The following GJA3 variants were observed in gnomAD, a reference collection of about 807,000 sequenced individuals.
GJA3 encodes gap junction protein alpha 3, also known as gap junction alpha-3 protein.
For missense variants in GJA3, 571 were observed against 620.3 expected (o/e 0.92, Z 0.84); for synonymous variants, 297 against 292.6 (o/e 1.02, Z -0.15).
chr13:20,152,979 T>C (rs996768447), intron 1 of GJA3, among the ~76,000 whole-genome samples: 20 of 152,206 alleles, frequency 1.3e-4, no homozygotes, highest in African/African-American at 3.9e-4. Context: ...ACAAATATTA[T>C]ATGATGAAAA....
At chr13:20,152,365 T>A (rs1958883534) in intron 1 of GJA3, among the ~76,000 whole-genome samples, 1 of 152,162 alleles carries the variant, frequency 6.6e-6, no homozygotes, top group South Asian at 2.1e-4. Flanking sequence ...TTCCCTCTCA[T>A]AATATCATAT....
At chr13:20,158,253 T>G (rs1316217554) in intron 1 of GJA3, among the ~76,000 whole-genome samples, 1 of 152,246 alleles carries the variant, frequency 6.6e-6, no homozygotes, top group Non-Finnish European at 1.5e-5. Flanking sequence ...TGATAAAAAT[T>G]ACATCTGTCA....
Position 20,142,454 on chromosome 13 carries a change from G to A in GJA3, c.835C>T (p.Leu279=). The A allele has an allele frequency of 6.6e-7, 1 of 1,526,052 alleles. No individual in the cohort carries two copies. Among genetic ancestry groups the A allele is most frequent in the Non-Finnish European group, 8.8e-7 (1 of 1,136,008 alleles). 94.5% of individuals were successfully genotyped at this position (1,526,052 alleles called of 1,614,324 possible). A position where few individuals can be genotyped will look rare whatever the true frequency, so the allele number is the denominator to read the frequency against. Residue 279 remains leucine (L), a synonymous_variant, in exon 2 of 2, where the codon CTG becomes TTG. Transcript: ENST00000241125. ...TAGCCCACGGCGCGGGCCTGTCCCA[G>A]GGGCGCAGCGGTGTGCGCATAGTAG... The part of the protein sequence containing the change: ...PPYYAHTAAP[L]GQARAVGYPG...
rs141882615 is a variant in GJA3 at position 20,142,178 on chromosome 13, C to T, written c.1111G>A (p.Ala371Thr). The T allele has an allele frequency of 3.7e-3, 5,662 of 1,512,756 alleles. 12 individuals carry two copies. Among genetic ancestry groups the T allele is most frequent in the Non-Finnish European group, 4.7e-3 (5,350 of 1,132,550 alleles). The allele number at this position is 1,512,756 out of a possible 1,614,324, so 93.7% of individuals were successfully genotyped here. ...CCGCTCCCATCCAGCAGCAGGGGCG[C>T]CGCGCCCGCCTCAGCCTCGTGCGCG... ...PLAHEAEAGA[A>T]PLLLDGSGSS... is the part of the protein sequence containing the mutation. The change falls in exon 2 of 2, where the codon GCG becomes ACG. Residue 371 changes from alanine to threonine, a missense_variant. Physicochemically the swap from Ala to Thr is moderately conservative, Grantham distance 58. Coordinates refer to ENST00000241125, the MANE Select transcript of GJA3 (RefSeq NM_021954.4).
chr13:20,147,745 G>A (rs1410855397), intron 1 of GJA3, among the ~76,000 whole-genome samples: 1 of 152,126 alleles, frequency 6.6e-6, no homozygotes, highest in Non-Finnish European at 1.5e-5. Flanking sequence ...AAAATCAGCT[G>A]ACTCCTTTTT....
At position 20,142,587 on chromosome 13, in the gene GJA3, C is replaced by G. The variant is rs753680028; in HGVS notation, c.702G>C (p.Val234=). 14 of 1,608,312 alleles carry G rather than the reference C, an allele frequency of 8.7e-6. No homozygotes were observed. The highest frequency in any genetic ancestry group is 1.0e-5 in the Non-Finnish European group (12 of 1,177,928). ...HLGWKKLKQG[V]TSRLGPDASE... ...AGGCGTCCGGGCCGAGGCGGCTGGT[C>G]ACGCCCTGCTTGAGCTTCTTCCAGC... The change falls in exon 2 of 2, where the codon GTG becomes GTC. Residue 234 remains valine, a synonymous_variant. Transcript: ENST00000241125.
chr13:20,157,346 C>A (rs1276690220), intron 1 of GJA3, among the ~76,000 whole-genome samples: 4 of 152,188 alleles, frequency 2.6e-5, no homozygotes, highest in African/African-American at 7.2e-5. Flanking sequence ...AAACACAGTG[C>A]AGTCAGTTAA....
chr13:20,143,122 G>A lies in GJA3; in HGVS notation c.167C>T (p.Thr56Ile). ...GDEQSDFTCN[T>I]QQPGCENVCY... ...GACGTTCTCGCAGCCCGGCTGCTGG[G>A]TGTTGCAGGTGAAGTCTGACTGCTC... Residue 56 changes from threonine to isoleucine, a missense_variant, in exon 2 of 2, where the codon ACC (threonine) becomes ATC (isoleucine). Coordinates refer to ENST00000241125, the MANE Select transcript of GJA3 (RefSeq NM_021954.4). 6.2e-7 allele frequency: 1 copy of A among 1,613,574 alleles called. No individual in the cohort carries two copies. Among genetic ancestry groups the A allele is most frequent in the Non-Finnish European group, 8.5e-7 (1 of 1,179,750 alleles).
intron 1 of GJA3, among the ~76,000 whole-genome samples, chr13:20,148,551 G>A (rs1320298180): frequency 4.6e-5 from 7 of 152,100 alleles, no homozygotes; most frequent in African/African-American, 1.4e-4. Context: ...GAGCCACCGC[G>A]CCCAGCCTGA....
chr13:20,158,621 C>G (rs1958918872), intron 1 of GJA3, among the ~76,000 whole-genome samples: 2 of 151,840 alleles, frequency 1.3e-5, no homozygotes, highest in South Asian at 4.1e-4. Flanking sequence ...TTTAAAAAAG[C>G]AAGCAGTAGG....
chr13:20,142,535 G>T lies in GJA3; in HGVS notation c.754C>A (p.Pro252Thr), dbSNP rs1321422525. Residue 252 changes from proline (P) to threonine (T), a missense_variant, in exon 2 of 2, where the codon CCC becomes ACC. Transcript: ENST00000241125. ...CGGGAGCTGGGGGGCAGGGGCGGGG[G>T]ATCGGCTGTCCCCAGCGGGGCCTCG... ...ASEAPLGTAD[P>T]PPLPPSSRPP... 4 of 1,559,352 alleles carry T rather than the reference G, an allele frequency of 2.6e-6. No individual in the cohort carries two copies. Among genetic ancestry groups the T allele is most frequent in the Non-Finnish European group, 3.5e-6 (4 of 1,152,650 alleles).
rs1187531688 is a variant in GJA3 at position 20,138,566 on chromosome 13, T to C, written c.*3415A>G. ...TCAACCCAAGATTTGCACTGTAATA[T>C]AAAATTAGGAAGAAAAGTGCCTTCC... On this transcript the variant is annotated 3_prime_UTR_variant, in exon 2 of 2. Transcript: ENST00000241125. 1 of 151,984 alleles carries C rather than the reference T, an allele frequency of 6.6e-6. No homozygotes were observed. Among genetic ancestry groups the C allele is most frequent in the Non-Finnish European group, 1.5e-5 (1 of 68,014 alleles). 9.4% of individuals were successfully genotyped at this position (151,984 alleles called of 1,614,324 possible).
intron 1 of GJA3, among the ~76,000 whole-genome samples, chr13:20,158,570 A>C (rs535324392): frequency 3.3e-5 from 5 of 152,184 alleles, no homozygotes; most frequent in Admixed American, 1.3e-4. Context: ...GAGTGTGGAA[A>C]CTATTCACAT....
In GJA3 at chr13:20,143,060, A is replaced by C. The variant is rs747999800; in HGVS notation, c.229T>G (p.Phe77Val). The stretch of plus-strand genomic sequence containing the variant: ...ACGAAGATGATCTGCAGCGCCCAGA[A>C]GCGGATGTGGGAGATGGGGAAGGCC... ...DRAFPISHIR[F>V]WALQIIFVST... The change falls in exon 2 of 2, where the codon TTC (phenylalanine) becomes GTC (valine). Residue 77 changes from phenylalanine (F) to valine (V), a missense_variant. Phe to Val is a conservative substitution (Grantham distance 50, BLOSUM62 -1). Transcript: ENST00000241125. The C allele has an allele frequency of 6.2e-7, 1 of 1,613,886 alleles. No individual in the cohort carries two copies. Among genetic ancestry groups the C allele is most frequent in the Non-Finnish European group, 8.5e-7 (1 of 1,179,898 alleles).
chr13:20,153,465 G>A (rs1958890725), intron 1 of GJA3, among the ~76,000 whole-genome samples: 1 of 152,182 alleles, frequency 6.6e-6, no homozygotes, highest in South Asian at 2.1e-4. Context: ...AAAAAAGGAT[G>A]AGTTCATGTC....
chr13:20,159,398 A>C (rs2141147526), intron 1 of GJA3, among the ~76,000 whole-genome samples: 1 of 133,402 alleles, frequency 7.5e-6, no homozygotes, highest in African/African-American at 2.8e-5. Flanking sequence ...GGGAGGTTGC[A>C]GTGAGCCGAG....
rs929614593 is a variant in GJA3, at chr13:20,140,669, G to A, written c.*1312C>T. 1.3e-5 allele frequency: 2 copies of A among 152,312 alleles called. No homozygotes were observed. Among genetic ancestry groups the A allele is most frequent in the Middle Eastern group, 3.4e-3 (1 of 294 alleles). The allele number at this position is 152,312 out of a possible 1,614,324, so 9.4% of individuals were successfully genotyped here. A position where few individuals can be genotyped will look rare whatever the true frequency, so the allele number is the denominator to read the frequency against. ...CCCACACACATAAATAGCCTTCCCT[G>A]TCAGGACAGCTCTGGTGTGGAGGCA... On this transcript the variant is annotated 3_prime_UTR_variant, in exon 2 of 2. Transcript: ENST00000241125.
chr13:20,158,178 C>T (rs1434840250), intron 1 of GJA3, among the ~76,000 whole-genome samples: 1 of 152,156 alleles, frequency 6.6e-6, no homozygotes, highest in Non-Finnish European at 1.5e-5. Flanking sequence ...TATTTTTACT[C>T]TTGCTTAGTG....
At chr13:20,154,728 T>A (rs1403944570) in intron 1 of GJA3, among the ~76,000 whole-genome samples, 1 of 152,214 alleles carries the variant, frequency 6.6e-6, no homozygotes. Flanking sequence ...AAAAAGTTTG[T>A]TCTGTTTTCA....
Sources: allele counts gnomAD v4.1 joint callset (sites outside exome capture counted in the v4.1 genomes callset), GRCh38; gene constraint gnomAD v4.1.1; transcripts MANE v1.5; gene names NCBI Gene and HGNC (gene_info 2026-07-23, HGNC 2026-07-21).